SGCD: variants seen among roughly 807,000 people sequenced by gnomAD.
SGCD encodes delta-sarcoglycan.
A neutral mutation model predicts 36.6 loss-of-function variants in SGCD; 18 were observed. The ratio of observed to expected loss-of-function variants is 0.49; its 90% CI spans 0.34 to 0.73. The LOEUF is 0.73. Among genes scored for constraint, SGCD ranks in the 30% least tolerant of loss-of-function variants. SGCD has a pLI of 0.01. For missense variants in SGCD, 387 were observed against 346.7 expected, an observed-to-expected ratio of 1.12 and a Z score of -0.92; for synonymous variants, 133 against 130.6, an observed-to-expected ratio of 1.02 and a Z score of -0.12.
In SGCD at chr5:156,168,834, G is replaced by A. The variant is rs530780532; in HGVS notation, c.-44+44815G>A. ...TGAGAGATAGAAGAGTAAGGCTCAG[G>A]CTGAACTCTCAAGAAGTTGGAATCA... On this transcript the variant is annotated intron_variant, in intron 3 of 9. Coordinates refer to the SGCD transcript ENST00000517913. Among the ~76,000 whole-genome samples, 15 of 152,290 alleles carry A rather than the reference G, an allele frequency of 9.8e-5. 1 individual carries two copies. Among genetic ancestry groups the A allele is most frequent in the African/African-American group, 3.4e-4 (14 of 41,560 alleles).
chr5:155,738,882 AGTGT>A, the SGCD span, among the ~76,000 whole-genome samples: 10 of 142,918 alleles, frequency 7.0e-5, no homozygotes, highest in East Asian at 4.1e-4. Context: ...TGTGAGAGAG[AGTGT>A]GTGTGAGTGT....
rs1757515732 is a variant in SGCD at position 156,762,450 on chromosome 5, G to T, written c.*3060G>T. ...TATGGTGACATCTACCTAGGTAAAA[G>T]CCTGACATGTGGCTTTATAATTGTT... On this transcript the variant is annotated 3_prime_UTR_variant, in exon 9 of 9. Coordinates refer to ENST00000337851, the MANE Select transcript of SGCD (RefSeq NM_000337.6). The T allele has an allele frequency of 6.6e-6, 1 of 152,646 alleles. No individual in the cohort carries two copies. The highest frequency in any genetic ancestry group is 2.4e-5 in the African/African-American group (1 of 41,450). The allele number at this position is 152,646 out of a possible 1,614,324, so 9.5% of individuals were successfully genotyped here.
At chr5:155,734,599 T>C in the SGCD span, among the ~76,000 whole-genome samples, 1 of 152,216 alleles carries the variant, frequency 6.6e-6, no homozygotes, top group African/African-American at 2.4e-5. Flanking sequence ...TGTGAGTCAC[T>C]GGTCCTTATA....
In SGCD at chr5:155,920,534, A is replaced by G. The variant is rs1385938431; in HGVS notation, c.-282+50110A>G. Among the ~76,000 whole-genome samples the G allele has an allele frequency of 6.6e-5, 10 of 152,166 alleles. 2 individuals carry two copies. ...GTTCTCAAGGAGACAATCCTATAGA[A>G]AAGTGAGGAAGGGAGGAAATGGCAA... On this transcript the variant is annotated intron_variant, in intron 1 of 9. Transcript: ENST00000517913.
chr5:156,223,937 T>G lies in SGCD; in HGVS notation c.-44+99918T>G, dbSNP rs185188899. On this transcript the variant is annotated intron_variant, in intron 3 of 9. Coordinates refer to the SGCD transcript ENST00000517913. ...CAACTGATGAAGGTAAACTTAAAAC[T>G]GGCCTGTAAATTAATGAATCCAATT... is the stretch of plus-strand genomic sequence containing the variant. Among the ~76,000 whole-genome samples, 85 of 152,042 alleles carry G rather than the reference T, an allele frequency of 5.6e-4. 1 individual carries two copies. The highest frequency in any genetic ancestry group is 3.3e-3 in the East Asian group (17 of 5,158).
intron 1 of SGCD, among the ~76,000 whole-genome samples, chr5:155,941,192 C>T (rs1054884938): frequency 2.6e-5 from 4 of 152,130 alleles, no homozygotes; most frequent in African/African-American, 9.7e-5. Context: ...TAACATACTC[C>T]CGTGATAATG....
chr5:156,090,355 A>T (rs1300956594), intron 1 of SGCD, among the ~76,000 whole-genome samples: 1 of 152,214 alleles, frequency 6.6e-6, no homozygotes, highest in African/African-American at 2.4e-5. Flanking sequence ...GAAAGAGTAC[A>T]AAGAGAAGAA....
intron 1 of SGCD, among the ~76,000 whole-genome samples, chr5:156,062,167 G>C (rs1175041470): frequency 1.1e-5 from 1 of 87,798 alleles, no homozygotes; most frequent in Non-Finnish European, 2.0e-5. Flanking sequence ...CCACCTATGA[G>C]TGAGAATATG....
chr5:155,917,404 C>T (rs761123045), intron 1 of SGCD, among the ~76,000 whole-genome samples: 4 of 152,156 alleles, frequency 2.6e-5, no homozygotes, highest in Non-Finnish European at 5.9e-5. Flanking sequence ...AAGCATCTGA[C>T]ATGGGATCTG....
At chr5:155,971,688 A>G (rs80021794) in intron 1 of SGCD, among the ~76,000 whole-genome samples, 3,502 of 152,228 alleles carry the variant, frequency 0.023, 133 homozygotes, top group African/African-American at 0.074. Context: ...ATATACTGAT[A>G]TAATATTACC....
Position 156,418,631 on chromosome 5 carries a change from A to G in SGCD, c.192+73954A>G, listed in dbSNP as rs576390444. On this transcript the variant is annotated intron_variant, in intron 3 of 8. Coordinates refer to ENST00000337851, the MANE Select transcript of SGCD (RefSeq NM_000337.6). The stretch of plus-strand genomic sequence containing the variant: ...AAAGAGAAAAAGATCTGACCCTTAC[A>G]TCTTCCACAAGGAGATGGAGGAGTC... Among the ~76,000 whole-genome samples, 67 of 152,318 alleles carry G rather than the reference A, an allele frequency of 4.4e-4. 1 individual carries two copies. Among genetic ancestry groups the G allele is most frequent in the Non-Finnish European group, 2.1e-4 (14 of 68,014 alleles).
In SGCD at chr5:156,763,472, T is replaced by G. The variant is rs891481265; in HGVS notation, c.*4082T>G. On this transcript the variant is annotated 3_prime_UTR_variant, in exon 9 of 9. Coordinates refer to ENST00000337851, the MANE Select transcript of SGCD (RefSeq NM_000337.6). Reference sequence around the variant, plus strand: ...GGACAAAAAAAATACAGTGAAATTCTTTTTATCAAACTGATGCTGTGAGAA... The same window carrying G: ...GGACAAAAAAAATACAGTGAAATTCGTTTTATCAAACTGATGCTGTGAGAA... The G allele has an allele frequency of 1.3e-5, 2 of 152,568 alleles. No individual in the cohort carries two copies. The highest frequency in any genetic ancestry group is 4.8e-5 in the African/African-American group (2 of 41,466). The allele number at this position is 152,568 out of a possible 1,614,324, so 9.5% of individuals were successfully genotyped here. A position where few individuals can be genotyped will look rare whatever the true frequency, so the allele number is the denominator to read the frequency against.
chr5:155,904,578 A>C (rs77814937), intron 1 of SGCD, among the ~76,000 whole-genome samples: 2,756 of 152,260 alleles, frequency 0.018, 99 homozygotes, highest in African/African-American at 0.063. Context: ...CTAAATGCTT[A>C]TATAGTATGT....
the SGCD span, among the ~76,000 whole-genome samples, chr5:155,833,843 G>T: frequency 6.6e-6 from 1 of 152,182 alleles, no homozygotes; most frequent in African/African-American, 2.4e-5. Flanking sequence ...TTTAGATCAG[G>T]TCAACCTATT....
intron 1 of SGCD, among the ~76,000 whole-genome samples, chr5:155,902,087 G>A (rs1486582584): frequency 6.6e-6 from 1 of 152,086 alleles, no homozygotes; most frequent in African/African-American, 2.4e-5. Flanking sequence ...TCTCGGTCAA[G>A]GCCTAACATT....
intron 3 of SGCD, among the ~76,000 whole-genome samples, chr5:156,228,416 G>T (rs1473276555): frequency 6.6e-6 from 1 of 152,038 alleles, no homozygotes; most frequent in Non-Finnish European, 1.5e-5. Context: ...TTTTTAAACT[G>T]CTATTGATTT....
chr5:156,723,850 AGTGTGTGTGT>A (rs60939391), intron 7 of SGCD, among the ~76,000 whole-genome samples: 3 of 150,098 alleles, frequency 2.0e-5, no homozygotes, highest in African/African-American at 7.3e-5. Flanking sequence ...TTTTAAGCCA[AGTGTGTGTGT>A]GTGTGTGTGT....
intron 1 of SGCD, among the ~76,000 whole-genome samples, chr5:156,072,717 G>A (rs984016423): frequency 6.6e-6 from 1 of 152,190 alleles, no homozygotes; most frequent in African/African-American, 2.4e-5. Context: ...ATAATGTCCT[G>A]CAGAGTGTTT....
intron 1 of SGCD, among the ~76,000 whole-genome samples, chr5:155,871,684 C>T (rs190566691): frequency 1.4e-4 from 22 of 152,092 alleles, no homozygotes; most frequent in African/African-American, 5.3e-4. Flanking sequence ...GAAAGGAGGA[C>T]AGAAATGTGA....
Sources: allele counts gnomAD v4.1 joint callset (sites outside exome capture counted in the v4.1 genomes callset), GRCh38; gene constraint gnomAD v4.1.1; transcripts MANE v1.5; gene names NCBI Gene and HGNC (gene_info 2026-07-23, HGNC 2026-07-21).